Variants in NAV3 observed in about 807,000 individuals in gnomAD.
NAV3 encodes the protein pore membrane and/or filament interacting like protein 1.
In NAV3, 87 loss-of-function variants were observed where a neutral mutation model predicts 244.7. The ratio of observed to expected loss-of-function variants is 0.36; its 90% CI spans 0.30 to 0.42. NAV3 has a LOEUF of 0.42. Ranked by LOEUF, NAV3 falls within the 20% of genes least tolerant of loss-of-function variation. The probability of loss-of-function intolerance (pLI) is 1.00; values close to 1 mark genes in which losing one functional copy is unlikely to be tolerated. For synonymous variants in NAV3, 1,126 were observed against 1,042.2 expected (o/e 1.08, Z -1.55); for missense variants, 2,663 against 2,893.3 (o/e 0.92, Z 1.83).
At chr12:77,602,422 C>A (rs1384533655) in intron 2 of NAV3, among the ~76,000 whole-genome samples, 1 of 151,858 alleles carries the variant, frequency 6.6e-6, no homozygotes, top group African/African-American at 2.4e-5. Context: ...TTTTGTCAGA[C>A]CACTTGATAG....
rs114934669 is a variant in NAV3, at chr12:77,900,856, A to G, written c.244-39463A>G. 3.5e-3 allele frequency among the ~76,000 whole-genome samples: 532 copies of G among 152,300 alleles called. 4 individuals are homozygous for G. Among genetic ancestry groups the G allele is most frequent in the African/African-American group, 0.012 (512 of 41,558 alleles). ...GCATTTATATTCTTACCAAGAATGT[A>G]TAAGCATTCCCTTTTCTCTGCAGCC... On this transcript the variant is annotated intron_variant, in intron 1 of 39. Coordinates refer to ENST00000397909, the MANE Select transcript of NAV3 (RefSeq NM_001024383.2).
At chr12:78,038,826 C>T (rs1331158710) in intron 9 of NAV3, among the ~76,000 whole-genome samples, 1 of 152,138 alleles carries the variant, frequency 6.6e-6, no homozygotes, top group Non-Finnish European at 1.5e-5. Context: ...TTCTCAGTAT[C>T]TCTTAAGTAT....
intron 2 of NAV3, among the ~76,000 whole-genome samples, chr12:77,580,254 AC>A (rs1565723119): frequency 4.6e-5 from 7 of 151,248 alleles, no homozygotes; most frequent in African/African-American, 1.7e-4. Flanking sequence ...ACACACACAC[AC>A]ACACACAAAG....
intron 2 of NAV3, among the ~76,000 whole-genome samples, chr12:77,806,246 A>C (rs1322748772): frequency 6.6e-6 from 1 of 151,918 alleles, no homozygotes; most frequent in East Asian, 1.9e-4. Context: ...TAGTTCTTTT[A>C]ATTGTGATGT....
At chr12:77,666,684 A>C (rs770679647) in intron 2 of NAV3, among the ~76,000 whole-genome samples, 12 of 152,202 alleles carry the variant, frequency 7.9e-5, no homozygotes, top group Non-Finnish European at 1.2e-4. Context: ...TGAGATTTAC[A>C]CTATCCAGAT....
chr12:78,097,196 G>T (rs1213728419), intron 12 of NAV3, among the ~76,000 whole-genome samples: 1 of 152,102 alleles, frequency 6.6e-6, no homozygotes, highest in African/African-American at 2.4e-5. Flanking sequence ...AAGACATCTG[G>T]TCAGGCAAGG....
At chr12:78,138,036 T>C (rs1388552964) in intron 19 of NAV3, among the ~76,000 whole-genome samples, 1 of 152,094 alleles carries the variant, frequency 6.6e-6, no homozygotes, top group East Asian at 1.9e-4. Context: ...TTTGAGAGAC[T>C]TTTCTCTTTG....
chr12:78,188,889 T>C (rs1958847207), intron 33 of NAV3, 112 bp downstream of exon 33: 5 of 904,178 alleles, frequency 5.5e-6, no homozygotes, highest in Non-Finnish European at 8.1e-6. Context: ...TTGAAAACTC[T>C]GTAGTATTTT....
At chr12:77,703,126 C>T (rs1488892701) in intron 2 of NAV3, among the ~76,000 whole-genome samples, 1 of 152,066 alleles carries the variant, frequency 6.6e-6, no homozygotes, top group Admixed American at 6.6e-5. Flanking sequence ...TCCACCACAA[C>T]AATCTGGATA....
intron 3 of NAV3, among the ~76,000 whole-genome samples, chr12:77,946,813 A>T (rs577324037): frequency 6.6e-6 from 1 of 152,294 alleles, no homozygotes; most frequent in East Asian, 1.9e-4. Flanking sequence ...AAAATGTTAG[A>T]CATGTAGGGT....
intron 3 of NAV3, among the ~76,000 whole-genome samples, chr12:77,963,906 CTTCT>C (rs1431287677): frequency 7.8e-5 from 10 of 127,632 alleles, no homozygotes; most frequent in Admixed American, 5.0e-4. Flanking sequence ...CTTCTCCTTC[CTTCT>C]CCTTCTCCTT....
Position 78,050,200 on chromosome 12 carries a change from T to TC in NAV3, c.2132+103dup, listed in dbSNP as rs1882530799. The TC allele has an allele frequency of 1.5e-5, 12 of 823,828 alleles. No homozygotes were observed. The South Asian group carries it at 1.9e-4, about 13-fold the overall frequency. The allele number at this position is 823,828 out of a possible 1,614,324, so 51.0% of individuals were successfully genotyped here. A position where few individuals can be genotyped will look rare whatever the true frequency, so the allele number is the denominator to read the frequency against. On this transcript the variant is annotated intron_variant, in intron 10 of 39. Transcript: ENST00000397909. ...TAATGACAGAGATGGGATTTCAGTT[T>TC]CCCCTTACTATTTTCTCCCTTGTTT...
chr12:77,972,845 A>C (rs1318376208), intron 5 of NAV3, among the ~76,000 whole-genome samples: 1 of 152,146 alleles, frequency 6.6e-6, no homozygotes, highest in Non-Finnish European at 1.5e-5. Flanking sequence ...CATATGTTGC[A>C]TTTTGACAAT....
chr12:77,620,131 T>C (rs1363463332), intron 2 of NAV3, among the ~76,000 whole-genome samples: 2 of 152,216 alleles, frequency 1.3e-5, no homozygotes, highest in Non-Finnish European at 2.9e-5. Context: ...GTAGTCATAC[T>C]TCTGAGATTC....
At chr12:77,668,032 G>C (rs1040097199) in intron 2 of NAV3, among the ~76,000 whole-genome samples, 2 of 152,186 alleles carry the variant, frequency 1.3e-5, no homozygotes, top group Admixed American at 6.5e-5. Flanking sequence ...TAGACCCAGA[G>C]AGCAAAAACA....
chr12:77,758,494 T>A (rs980437226), intron 2 of NAV3, among the ~76,000 whole-genome samples: 30 of 152,164 alleles, frequency 2.0e-4, no homozygotes, highest in Non-Finnish European at 3.2e-4. Context: ...GGGCCCCATA[T>A]CTTCTTTTTA....
Position 78,122,356 on chromosome 12 carries a change from T to A in NAV3, c.4166T>A (p.Leu1389Gln), listed in dbSNP as rs144618290. 2 of 1,614,086 alleles carry A rather than the reference T, an allele frequency of 1.2e-6. No individual in the cohort carries two copies. The highest frequency in any genetic ancestry group is 4.5e-5 in the East Asian group (2 of 44,858). ...PLSHHGSLSG[L>Q]TTGTHEVQSL... ...AGCCATCATGGCTCCTTGTCTGGAC[T>A]GACCACAGGCACTCACGAGGTCCAG... is the stretch of plus-strand genomic sequence containing the variant. Residue 1389 changes from leucine (L) to glutamine (Q), a missense_variant, in exon 16 of 40, where the codon CTG (leucine) becomes CAG (glutamine). By Grantham distance (113) the Leu-to-Gln change is moderately radical. This residue lies in a region of NAV3 where 354 missense variants were observed against 413.0 expected (regional missense o/e 0.86). Coordinates refer to ENST00000397909, the MANE Select transcript of NAV3 (RefSeq NM_001024383.2).
intron 1 of NAV3, among the ~76,000 whole-genome samples, chr12:77,931,629 G>A (rs1888803152): frequency 6.6e-6 from 1 of 152,022 alleles, no homozygotes; most frequent in African/African-American, 2.4e-5. Context: ...CACTTTGGGA[G>A]GCCCAGGCAG....
chr12:78,159,318 A>G (rs2139397834), intron 23 of NAV3, 32 bp downstream of exon 23: 6 of 1,548,398 alleles, frequency 3.9e-6, no homozygotes, highest in Non-Finnish European at 5.3e-6. Flanking sequence ...GGAGACTGAA[A>G]GAAGACAGCA....
Sources: gnomAD v4.1 joint callset for allele counts (sites outside exome capture counted in the v4.1 genomes callset) on GRCh38, gnomAD v4.1.1 for gene constraint, gnomAD v4.1.1 regional missense constraint, MANE v1.5 for transcripts, NCBI Gene and HGNC (gene_info 2026-07-23, HGNC 2026-07-21) for gene names.